Variants in ZNF536 observed in about 807,000 individuals in gnomAD.
ZNF536 encodes zinc finger protein 536.
ZNF536 carries 13 observed loss-of-function variants against 84.5 expected under a neutral mutation model. That is an observed-to-expected ratio of 0.15 (90% CI 0.10 to 0.24). The LOEUF is 0.24. ZNF536 is among the 10% of genes least tolerant of loss of function. ZNF536 has a pLI of 1.00. For missense variants in ZNF536, 1,536 were observed against 1,747.5 expected, an observed-to-expected ratio of 0.88 and a Z score of 2.16; for synonymous variants, 811 against 742.5, an observed-to-expected ratio of 1.09 and a Z score of -1.50.
At chr19:30,280,115 G>A (rs116998480) in intron 1 of ZNF536, among the ~76,000 whole-genome samples, 4 of 151,840 alleles carry the variant, frequency 2.6e-5, no homozygotes, top group Admixed American at 2.0e-4. Flanking sequence ...CATCCGCCTC[G>A]CCTCCATCTG....
intron 1 of ZNF536, among the ~76,000 whole-genome samples, chr19:30,409,068 A>C (rs1041812328): frequency 2.0e-5 from 3 of 151,880 alleles, no homozygotes; most frequent in Non-Finnish European, 2.9e-5. Context: ...TCATCCATCC[A>C]TCCATCCATC....
At chr19:30,621,603 C>T (rs1198215945) in intron 1 of ZNF536, among the ~76,000 whole-genome samples, 5 of 152,234 alleles carry the variant, frequency 3.3e-5, no homozygotes, top group African/African-American at 1.2e-4. Context: ...TTTAAAACTG[C>T]CAGCCATAAT....
intron 4 of ZNF536, among the ~76,000 whole-genome samples, chr19:30,553,741 C>A (rs570479271): frequency 6.6e-6 from 1 of 152,144 alleles, no homozygotes; most frequent in Non-Finnish European, 1.5e-5. Flanking sequence ...GAGGCAGGGG[C>A]GTTGCATAAG....
At chr19:30,297,017 G>A (rs1225773568) in intron 2 of ZNF536, among the ~76,000 whole-genome samples, 2 of 152,294 alleles carry the variant, frequency 1.3e-5, no homozygotes, top group East Asian at 1.9e-4. Context: ...GATGCTCCAC[G>A]ATCAGGCACG....
chr19:30,300,234 C>G (rs931800082), intron 2 of ZNF536, among the ~76,000 whole-genome samples: 1 of 152,158 alleles, frequency 6.6e-6, no homozygotes, highest in Non-Finnish European at 1.5e-5. Context: ...GTTGTCCATC[C>G]CAATTCTGGG....
downstream of ZNF536, among the ~76,000 whole-genome samples, chr19:30,559,275 G>A (rs2046072996): frequency 6.6e-6 from 1 of 152,224 alleles, no homozygotes. Context: ...TGGAAACTGT[G>A]ATGGATCCCT....
intron 1 of ZNF536, among the ~76,000 whole-genome samples, chr19:30,575,165 A>T (rs577036408): frequency 6.6e-6 from 1 of 152,352 alleles, no homozygotes; most frequent in African/African-American, 2.4e-5. Context: ...GCAAGCAAGC[A>T]TTGATGGAAC....
intron 1 of ZNF536, among the ~76,000 whole-genome samples, chr19:30,710,575 G>T (rs2052422979): frequency 6.6e-6 from 1 of 152,190 alleles, no homozygotes; most frequent in African/African-American, 2.4e-5. Flanking sequence ...GGGATGGGAA[G>T]ATCTTCTAAA....
At chr19:30,654,701 G>A (rs1045443233) in intron 1 of ZNF536, among the ~76,000 whole-genome samples, 4 of 152,068 alleles carry the variant, frequency 2.6e-5, no homozygotes, top group Non-Finnish European at 5.9e-5. Context: ...CACTGACTGA[G>A]GCTTGTTTTT....
rs531502918 is a variant in ZNF536 at position 30,284,491 on chromosome 19, A to G, written c.-120+350A>G. The stretch of plus-strand genomic sequence containing the variant: ...GCTAAAGGCCGAGTGACCTCGTCCA[A>G]GTGCCACCTGTGGTCGGGCTCCCCA... On this transcript the variant is annotated intron_variant, in intron 2 of 5. Coordinates refer to the ZNF536 transcript ENST00000585628. Among the ~76,000 whole-genome samples the G allele has an allele frequency of 2.5e-4, 38 of 152,324 alleles. No homozygotes were observed. In the Middle Eastern group the frequency reaches 0.024, roughly 95 times the overall value.
intron 1 of ZNF536, among the ~76,000 whole-genome samples, chr19:30,259,964 C>T (rs2025120733): frequency 6.8e-6 from 1 of 148,064 alleles, no homozygotes; most frequent in Non-Finnish European, 1.5e-5. Flanking sequence ...GATGTTTCAC[C>T]ATCTTTGCCA....
At position 30,601,284 on chromosome 19, in the gene ZNF536, T is replaced by G. The variant is rs140967821; in HGVS notation, c.169+51770T>G. Among the ~76,000 whole-genome samples the G allele has an allele frequency of 1.7e-3, 253 of 152,326 alleles. 2 individuals are homozygous for G. Among genetic ancestry groups the G allele is most frequent in the African/African-American group, 5.6e-3 (234 of 41,586 alleles). On this transcript the variant is annotated intron_variant, in intron 1 of 1. Transcript: ENST00000592773. ...CATTTCTACAAGTCCCAGGCAGCAATCTGGGTGCTGGGACTCCAGCAGTGA... is the reference window on the plus strand; with the variant it reads ...CATTTCTACAAGTCCCAGGCAGCAAGCTGGGTGCTGGGACTCCAGCAGTGA...
At chr19:30,362,327 C>T (rs1294543118) in intron 3 of ZNF536, among the ~76,000 whole-genome samples, 1 of 152,164 alleles carries the variant, frequency 6.6e-6, no homozygotes, top group Non-Finnish European at 1.5e-5. Context: ...AGAGCCGCAT[C>T]TCAACACTTT....
At chr19:30,266,976 G>T (rs1470075789) in intron 1 of ZNF536, among the ~76,000 whole-genome samples, 2 of 152,220 alleles carry the variant, frequency 1.3e-5, no homozygotes, top group Non-Finnish European at 2.9e-5. Flanking sequence ...ATTTGGAAAT[G>T]CATCCTAGTA....
Position 30,279,992 on chromosome 19 carries a change from C to T in ZNF536, c.-189-4080C>T, listed in dbSNP as rs192399586. Reference sequence around the variant, plus strand: ...CTGCCAGACCTCCCAGTGACCCATCCGGGGAAGGGCCATCCTGTGTCTCCC... The same window carrying T: ...CTGCCAGACCTCCCAGTGACCCATCTGGGGAAGGGCCATCCTGTGTCTCCC... On this transcript the variant is annotated intron_variant, in intron 1 of 5. Transcript: ENST00000585628. 7.9e-5 allele frequency among the ~76,000 whole-genome samples: 12 copies of T among 152,306 alleles called. No homozygotes were observed. The East Asian group carries it at 2.1e-3, about 27-fold the overall frequency.
In ZNF536 at chr19:30,254,313, G is replaced by A. The variant is rs1003899741; in HGVS notation, c.-190+25640G>A. Among the ~76,000 whole-genome samples, 3 of 152,024 alleles carry A rather than the reference G, an allele frequency of 2.0e-5. No individual in the cohort carries two copies. In the East Asian group the frequency reaches 5.8e-4, roughly 29 times the overall value. The stretch of plus-strand genomic sequence containing the variant: ...CCATCTGTCATCTTCTAGCAAGGAG[G>A]GCACATGTTCTGTACCACTCAATTA... On this transcript the variant is annotated intron_variant, in intron 1 of 5. Coordinates refer to the ZNF536 transcript ENST00000585628.
At chr19:30,515,252 A>T (rs2055587708) in intron 2 of ZNF536, among the ~76,000 whole-genome samples, 1 of 152,150 alleles carries the variant, frequency 6.6e-6, no homozygotes, top group African/African-American at 2.4e-5. Context: ...CCAGAGTGAG[A>T]CCCTGTCTCA....
At chr19:30,236,685 C>T (rs749509045) in intron 1 of ZNF536, among the ~76,000 whole-genome samples, 3 of 152,164 alleles carry the variant, frequency 2.0e-5, no homozygotes, top group Non-Finnish European at 4.4e-5. Context: ...ACTACTGCCA[C>T]CCCAAGAAGA....
At chr19:30,334,026 G>C (rs531888111) in intron 2 of ZNF536, among the ~76,000 whole-genome samples, 2 of 152,286 alleles carry the variant, frequency 1.3e-5, no homozygotes, top group Non-Finnish European at 2.9e-5. Flanking sequence ...AAATAGAAGT[G>C]TCTGCAAAAG....
Sources: gnomAD v4.1 joint callset for allele counts (sites outside exome capture counted in the v4.1 genomes callset) on GRCh38, gnomAD v4.1.1 for gene constraint, MANE v1.5 for transcripts, NCBI Gene and HGNC (gene_info 2026-07-23, HGNC 2026-07-21) for gene names.